The following SEMA3A variants were observed in gnomAD, a reference collection of about 807,000 sequenced individuals.
SEMA3A encodes semaphorin-3A.
A neutral mutation model predicts 97.9 loss-of-function variants in SEMA3A; 29 were observed. The ratio of observed to expected loss-of-function variants is 0.30; its 90% CI spans 0.22 to 0.40. The LOEUF (loss-of-function observed/expected upper bound fraction) is 0.40. Among genes scored for constraint, SEMA3A ranks in the 10% least tolerant of loss-of-function variants. The pLI is 1.00. For synonymous variants in SEMA3A, 321 were observed against 323.7 expected, an observed-to-expected ratio of 0.99 and a Z score of 0.09; for missense variants, 763 against 951.3, an observed-to-expected ratio of 0.80 and a Z score of 2.60.
chr7:84,426,317 TAGAC>T (rs71732441), intron 1 of SEMA3A, among the ~76,000 whole-genome samples: 4,999 of 148,684 alleles, frequency 0.034, 252 homozygotes, highest in African/African-American at 0.11. Context: ...GATAGATAGA[TAGAC>T]AGACAAATGC....
intron 3 of SEMA3A, among the ~76,000 whole-genome samples, chr7:84,122,927 G>T (rs941653758): frequency 6.6e-6 from 1 of 152,128 alleles, no homozygotes; most frequent in African/African-American, 2.4e-5. Flanking sequence ...AAGTTCAGGT[G>T]CATGATACAA....
intron 4 of SEMA3A, among the ~76,000 whole-genome samples, chr7:84,064,788 C>A (rs1267598260): frequency 2.0e-5 from 3 of 150,748 alleles, no homozygotes; most frequent in African/African-American, 7.4e-5. Context: ...GAGTGACCTA[C>A]AAAGAGACTT....
At chr7:83,998,573 A>T (rs1790311602) in intron 12 of SEMA3A, among the ~76,000 whole-genome samples, 1 of 152,006 alleles carries the variant, frequency 6.6e-6, no homozygotes, top group Non-Finnish European at 1.5e-5. Context: ...GGCTACACTA[A>T]TTTTTTTTAA....
chr7:84,200,533 A>C (rs1798328631), intron 3 of SEMA3A, among the ~76,000 whole-genome samples: 1 of 152,158 alleles, frequency 6.6e-6, no homozygotes, highest in Admixed American at 6.5e-5. Flanking sequence ...TTAGTATCCC[A>C]CTTGCCAAAT....
intron 1 of SEMA3A, among the ~76,000 whole-genome samples, chr7:84,483,936 C>T (rs1025938617): frequency 2.0e-5 from 3 of 151,500 alleles, no homozygotes; most frequent in Admixed American, 6.6e-5. Context: ...CCCAACTACT[C>T]GGGAGGCTGA....
At chr7:84,249,589 T>A (rs551676794) in intron 3 of SEMA3A, among the ~76,000 whole-genome samples, 12 of 152,132 alleles carry the variant, frequency 7.9e-5, no homozygotes, top group Admixed American at 5.9e-4. Flanking sequence ...GTGCTAAAAA[T>A]GTATTCATTA....
intron 4 of SEMA3A, among the ~76,000 whole-genome samples, chr7:84,081,664 A>G (rs1794167787): frequency 6.6e-6 from 1 of 151,882 alleles, no homozygotes; most frequent in Admixed American, 6.6e-5. Context: ...AATACAAACA[A>G]TCATAGTCAG....
At chr7:84,052,143 G>T (rs1460992180) in intron 5 of SEMA3A, among the ~76,000 whole-genome samples, 1 of 151,984 alleles carries the variant, frequency 6.6e-6, no homozygotes, top group African/African-American at 2.4e-5. Flanking sequence ...TTGCATCAAT[G>T]TTCATCAAGG....
In SEMA3A at chr7:84,407,438, G is replaced by T. The variant is rs955950489; in HGVS notation, c.-245-35538C>A. Among the ~76,000 whole-genome samples the T allele has an allele frequency of 2.0e-5, 3 of 152,042 alleles. No individual in the cohort carries two copies. In the South Asian group the frequency reaches 6.2e-4, roughly 32 times the overall value. ...AACATTCCATGCTCATGGGTAGGAAGAATCAATATCGTGAAAATGGTCATA... is the reference window on the plus strand; with the variant it reads ...AACATTCCATGCTCATGGGTAGGAATAATCAATATCGTGAAAATGGTCATA... On this transcript the variant is annotated intron_variant, in intron 1 of 3. Coordinates refer to the SEMA3A transcript ENST00000424555.
chr7:83,992,189 T>C (rs1293084441), intron 12 of SEMA3A, among the ~76,000 whole-genome samples: 7 of 151,426 alleles, frequency 4.6e-5, no homozygotes, highest in Admixed American at 1.3e-4. Flanking sequence ...TTTTTTATTG[T>C]GTCTATTTGA....
chr7:84,084,300 C>A (rs1171369783), intron 4 of SEMA3A, among the ~76,000 whole-genome samples: 1 of 151,886 alleles, frequency 6.6e-6, no homozygotes, highest in East Asian at 1.9e-4. Flanking sequence ...TTTACTTAGT[C>A]TTTGAAATTA....
chr7:84,443,445 T>C (rs1805322867), intron 1 of SEMA3A, among the ~76,000 whole-genome samples: 1 of 152,194 alleles, frequency 6.6e-6, no homozygotes, highest in South Asian at 2.1e-4. Flanking sequence ...ATGTCAATGG[T>C]TAAATTGACA....
intron 1 of SEMA3A, among the ~76,000 whole-genome samples, chr7:84,400,617 T>A (rs1481061789): frequency 6.6e-6 from 1 of 152,026 alleles, no homozygotes; most frequent in Non-Finnish European, 1.5e-5. Context: ...GAGTGAAGAA[T>A]GTTTCCAAGA....
chr7:84,001,801 T>C (rs1029823103), intron 12 of SEMA3A, among the ~76,000 whole-genome samples, 154 bp downstream of exon 12: 3 of 152,086 alleles, frequency 2.0e-5, no homozygotes, highest in African/African-American at 7.3e-5. Flanking sequence ...AGTTTCAAGG[T>C]TTATTTTGAC....
intron 1 of SEMA3A, among the ~76,000 whole-genome samples, chr7:84,163,293 G>C (rs765957454): frequency 1.4e-4 from 21 of 152,128 alleles, no homozygotes; most frequent in Non-Finnish European, 2.4e-4. Context: ...ATATGTGTGT[G>C]TGAATGGGTG....
intron 3 of SEMA3A, among the ~76,000 whole-genome samples, chr7:84,299,679 G>C (rs1237936341): frequency 6.6e-6 from 1 of 151,518 alleles, no homozygotes; most frequent in Non-Finnish European, 1.5e-5. Context: ...AATATAAAGA[G>C]AACTTGGAGG....
chr7:84,397,979 C>T (rs2116198809), intron 1 of SEMA3A, among the ~76,000 whole-genome samples: 1 of 152,218 alleles, frequency 6.6e-6, no homozygotes, highest in Middle Eastern at 3.4e-3. Flanking sequence ...TTCCTCTTTG[C>T]ACCTGTATGC....
intron 1 of SEMA3A, among the ~76,000 whole-genome samples, chr7:84,401,296 A>C (rs1046589884): frequency 6.6e-6 from 1 of 152,158 alleles, no homozygotes; most frequent in African/African-American, 2.4e-5. Flanking sequence ...AATAAATTTA[A>C]CCAAAAAGTG....
At chr7:84,017,877 GCTGGAATCTC>G (rs1791168119) in intron 6 of SEMA3A, among the ~76,000 whole-genome samples, 1 of 151,986 alleles carries the variant, frequency 6.6e-6, no homozygotes. Flanking sequence ...TTTCTTGGCT[GCTGGAATCTC>G]CACTGTACCA....
Sources: gnomAD v4.1 joint callset for allele counts (sites outside exome capture counted in the v4.1 genomes callset) on GRCh38, gnomAD v4.1.1 for gene constraint, MANE v1.5 for transcripts, NCBI Gene and HGNC (gene_info 2026-07-23, HGNC 2026-07-21) for gene names.